The following CNMD variants were observed in gnomAD, a reference collection of about 807,000 sequenced individuals.
The protein encoded by CNMD is leukocyte cell-derived chemotaxin 1.
A neutral mutation model predicts 37.5 loss-of-function variants in CNMD; 30 were observed. The observed-to-expected ratio is 0.80, with a 90% CI of 0.60 to 1.09. The LOEUF (loss-of-function observed/expected upper bound fraction) is 1.09. CNMD is among the 50% of genes least tolerant of loss of function. The probability of loss-of-function intolerance (pLI) is 0.00; values close to 1 mark genes in which losing one functional copy is unlikely to be tolerated. For synonymous variants in CNMD, 167 were observed against 148.2 expected (o/e 1.13, Z -0.92); for missense variants, 398 against 423.9 (o/e 0.94, Z 0.54).
At chr13:52,714,571 AT>A (rs1203469548) in intron 4 of CNMD, among the ~76,000 whole-genome samples, 6 of 152,222 alleles carry the variant, frequency 3.9e-5, no homozygotes, top group African/African-American at 1.4e-4. Flanking sequence ...AAATAATGGT[AT>A]TTAAAAATAG....
intron 6 of CNMD, among the ~76,000 whole-genome samples, chr13:52,705,814 C>CCTGT (rs60152851): frequency 0.015 from 2,346 of 152,278 alleles, 61 homozygotes; most frequent in African/African-American, 0.053. Flanking sequence ...TCATATCCTG[C>CCTGT]CTGTCTATAA....
chr13:52,705,806 AT>A lies in CNMD; in HGVS notation c.790-1997del, dbSNP rs2138213855. 2.0e-5 allele frequency among the ~76,000 whole-genome samples: 3 copies of A among 152,156 alleles called. No individual in the cohort carries two copies. The South Asian group carries it at 6.2e-4, about 32-fold the overall frequency. On this transcript the variant is annotated intron_variant, in intron 6 of 6. Transcript: ENST00000377962. The stretch of plus-strand genomic sequence containing the variant: ...TCAAGACTGGATCCAAGGCAAAGTC[AT>A]ATCCTGCCTGTCTATAAAGGGGCTG...
Position 52,739,100 on chromosome 13 carries a change from A to T in CNMD, c.144T>A (p.Ile48=). 2 of 1,575,096 alleles carry T rather than the reference A, an allele frequency of 1.3e-6. No homozygotes were observed. Among genetic ancestry groups the T allele is most frequent in the Non-Finnish European group, 1.7e-6 (2 of 1,164,950 alleles). ...RLLKVGAVVL[I]SGAVLLLFGA... is the part of the protein sequence containing the mutation. ...CAAAGAGCAGCAGCACAGCTCCCGA[A>T]ATGAGGACCACGGCTCCCACCTTGA... The change falls in exon 2 of 7, where the codon ATT becomes ATA. Residue 48 remains isoleucine, a synonymous_variant. Coordinates refer to ENST00000377962, the MANE Select transcript of CNMD (RefSeq NM_007015.3). This position sits in a 1 kb window ranked among gnomAD's most constrained non-coding sequence, Gnocchi z 5.4.
At chr13:52,718,454 T>C (rs1168998170) in intron 4 of CNMD, among the ~76,000 whole-genome samples, 2 of 152,158 alleles carry the variant, frequency 1.3e-5, no homozygotes, top group East Asian at 1.9e-4. Flanking sequence ...TTTAGATCTT[T>C]CTTGCTTTCT....
intron 5 of CNMD, 102 bp from the exon 6 acceptor site, chr13:52,708,804 G>A: frequency 1.5e-5 from 15 of 996,448 alleles, no homozygotes; most frequent in South Asian, 5.2e-5. Context: ...ATCAAAATTT[G>A]TGCATAACCA....
chr13:52,719,078 G>T (rs557100923), intron 4 of CNMD, among the ~76,000 whole-genome samples: 2 of 152,248 alleles, frequency 1.3e-5, no homozygotes, highest in Middle Eastern at 3.4e-3. Flanking sequence ...TTACCATTAT[G>T]TAATGCCCTT....
intron 2 of CNMD, among the ~76,000 whole-genome samples, chr13:52,737,418 T>G (rs556290286): frequency 6.6e-6 from 1 of 152,348 alleles, no homozygotes; most frequent in East Asian, 1.9e-4. Context: ...CTCTGAATTC[T>G]TAGCATTTAA....
At chr13:52,708,776 A>G in intron 5 of CNMD, 74 bp from the exon 6 acceptor site, 1 of 1,224,728 alleles carries the variant, frequency 8.2e-7, no homozygotes, top group Non-Finnish European at 1.1e-6. Context: ...ATCAGGGTGA[A>G]AAACATAAGA....
At chr13:52,730,650 G>A (rs902258673) in intron 3 of CNMD, among the ~76,000 whole-genome samples, 1 of 152,018 alleles carries the variant, frequency 6.6e-6, no homozygotes, top group Admixed American at 6.6e-5. Flanking sequence ...CATATCCTTC[G>A]CCCACTTTTT....
intron 6 of CNMD, among the ~76,000 whole-genome samples, chr13:52,705,171 C>G (rs1566215832): frequency 6.6e-6 from 1 of 152,148 alleles, no homozygotes; most frequent in Non-Finnish European, 1.5e-5. Flanking sequence ...TTGCTTTTCC[C>G]CTTCCTGCAA....
At chr13:52,719,500 G>T (rs1232222452) in intron 4 of CNMD, among the ~76,000 whole-genome samples, 2 of 152,170 alleles carry the variant, frequency 1.3e-5, no homozygotes, top group Non-Finnish European at 2.9e-5. Context: ...CTTCCTTCAG[G>T]AGCTCTTGTA....
chr13:52,708,676 C>G lies in CNMD; in HGVS notation c.649G>C (p.Val217Leu), dbSNP rs769267887. The change falls in exon 6 of 7, where the codon GTA becomes CTA. Residue 217 changes from valine (V) to leucine (L), a missense_variant. Physicochemically the swap from Val to Leu is conservative, Grantham distance 32. Coordinates refer to ENST00000377962, the MANE Select transcript of CNMD (RefSeq NM_007015.3). ...GTGGTAGTTGGAACAATTTTTCTTA[C>G]CACTTCTCTTCTTTCCCTCTGGATT... The part of the protein sequence containing the change: ...KEIQRERREV[V>L]RKIVPTTTKR... 1 of 1,609,268 alleles carries G rather than the reference C, an allele frequency of 6.2e-7. No homozygotes were observed. Among genetic ancestry groups the G allele is most frequent in the Non-Finnish European group, 8.5e-7 (1 of 1,178,676 alleles).
intron 5 of CNMD, among the ~76,000 whole-genome samples, chr13:52,709,829 C>T (rs1416716800): frequency 1.3e-5 from 2 of 152,050 alleles, no homozygotes; most frequent in African/African-American, 2.4e-5. Context: ...AATAATTAGC[C>T]GGGCGTGGTG....
chr13:52,718,454 T>G (rs1168998170), intron 4 of CNMD, among the ~76,000 whole-genome samples: 1 of 152,158 alleles, frequency 6.6e-6, no homozygotes, highest in Non-Finnish European at 1.5e-5. Context: ...TTTAGATCTT[T>G]CTTGCTTTCT....
In CNMD at chr13:52,733,294, G is replaced by A. The variant is rs34603663; in HGVS notation, c.279C>T (p.Asp93=). ...GKLQDGSMEI[D]AGNNLETFKM... The stretch of plus-strand genomic sequence containing the variant: ...TAAAGGTCTCCAAGTTGTTCCCAGC[G>A]TCTATTTCCATTGACCCATCTTGTA... Residue 93 remains aspartate (D), a synonymous_variant, in exon 3 of 7, where the codon GAC becomes GAT. Transcript: ENST00000377962. The A allele has an allele frequency of 7.1e-4, 1,151 of 1,613,458 alleles. 8 individuals carry two copies. The African/African-American group carries it at 0.011, about 15-fold the overall frequency.
chr13:52,708,782 T>A (rs546175182), intron 5 of CNMD, 80 bp from the exon 6 acceptor site: 91 of 1,202,466 alleles, frequency 7.6e-5, no homozygotes, highest in Admixed American at 1.4e-4. Flanking sequence ...GTGAAAAACA[T>A]AAGAAAAGGA....
At chr13:52,738,923 C>G in intron 2 of CNMD, 108 bp downstream of exon 2, 1 of 1,096,936 alleles carries the variant, frequency 9.1e-7, no homozygotes, top group Non-Finnish European at 1.2e-6. Flanking sequence ...ACGCTGGGCC[C>G]GAGGGGCCCG....
At chr13:52,728,193 C>T (rs1964606323) in intron 3 of CNMD, among the ~76,000 whole-genome samples, 1 of 152,162 alleles carries the variant, frequency 6.6e-6, no homozygotes, top group African/African-American at 2.4e-5. Context: ...GGAGACCATC[C>T]TGGCCAACAT....
chr13:52,727,469 C>T (rs913477367), intron 3 of CNMD, among the ~76,000 whole-genome samples: 21 of 152,150 alleles, frequency 1.4e-4, no homozygotes, highest in African/African-American at 4.3e-4. Context: ...CGCAACCAGC[C>T]TGCACAACAT....
Sources: gnomAD v4.1 joint callset for allele counts (sites outside exome capture counted in the v4.1 genomes callset) on GRCh38, gnomAD v4.1.1 for gene constraint, Gnocchi (gnomAD v3.1) non-coding constraint, MANE v1.5 for transcripts, NCBI Gene and HGNC (gene_info 2026-07-23, HGNC 2026-07-21) for gene names.